The following MACROD2 variants were observed in gnomAD, a reference collection of about 807,000 sequenced individuals.
MACROD2 encodes mono-ADP ribosylhydrolase 2, also known as ADP-ribose glycohydrolase MACROD2.
MACROD2 carries 36 observed loss-of-function variants against 70.4 expected under a neutral mutation model. That is an observed-to-expected ratio of 0.51 (90% CI 0.39 to 0.68). MACROD2 has a LOEUF of 0.68. Among genes scored for constraint, MACROD2 ranks in the 30% least tolerant of loss-of-function variants. The probability of loss-of-function intolerance (pLI) is 0.00; values close to 1 mark genes in which losing one functional copy is unlikely to be tolerated. For missense variants in MACROD2, 496 were observed against 538.4 expected, an observed-to-expected ratio of 0.92 and a Z score of 0.78; for synonymous variants, 172 against 178.8, an observed-to-expected ratio of 0.96 and a Z score of 0.30.
chr20:14,230,654 T>TATATATATATATATATATATAAAAAAA lies in MACROD2; in HGVS notation c.271+144927_271+144928insTATATATATATATATATATAAAAAAAA. Reference sequence around the variant, plus strand: ...GTTTATATATATATATATATATATATAACACAGGCTGGGCCTATATATATA... The same window carrying TATATATATATATATATATATAAAAAAA: ...GTTTATATATATATATATATATATATATATATATATATATATATATAAAAAAAAACACAGGCTGGGCCTATATATATA... On this transcript the variant is annotated intron_variant, in intron 3 of 17. Coordinates refer to ENST00000684519, the MANE Select transcript of MACROD2 (RefSeq NM_001351661.2). 1.6e-4 allele frequency among the ~76,000 whole-genome samples: 12 copies of TATATATATATATATATATATAAAAAAA among 74,242 alleles called. No individual in the cohort carries two copies. In the South Asian group the frequency reaches 2.7e-3, roughly 17 times the overall value. 48.7% of individuals were successfully genotyped at this position (74,242 alleles called of 152,430 possible).
chr20:14,683,255 T>C (rs2070956960), intron 4 of MACROD2, among the ~76,000 whole-genome samples: 1 of 152,178 alleles, frequency 6.6e-6, no homozygotes, highest in African/African-American at 2.4e-5. Flanking sequence ...TTAAGATAAC[T>C]ACCACCAAAG....
At chr20:15,571,511 A>G (rs1275006480) in intron 8 of MACROD2, among the ~76,000 whole-genome samples, 2 of 151,978 alleles carry the variant, frequency 1.3e-5, no homozygotes, top group Non-Finnish European at 2.9e-5. Flanking sequence ...TTAGTTATAA[A>G]CTTTATATTT....
chr20:15,039,533 G>T (rs2075339220), intron 5 of MACROD2, among the ~76,000 whole-genome samples: 1 of 152,252 alleles, frequency 6.6e-6, no homozygotes, highest in Admixed American at 6.5e-5. Context: ...AAAGTATTCT[G>T]CATGGCCAGG....
intron 3 of MACROD2, among the ~76,000 whole-genome samples, chr20:14,347,272 G>A (rs1485060884): frequency 6.6e-6 from 1 of 152,124 alleles, no homozygotes; most frequent in Non-Finnish European, 1.5e-5. Flanking sequence ...GAAGACAGAG[G>A]AAATTCTCTA....
chr20:14,871,409 T>A (rs1278382768), intron 5 of MACROD2, among the ~76,000 whole-genome samples: 1 of 152,114 alleles, frequency 6.6e-6, no homozygotes, highest in Non-Finnish European at 1.5e-5. Context: ...GGATTTCATA[T>A]ATGGCCAAAC....
At chr20:15,632,176 TA>T (rs1429074361) in intron 8 of MACROD2, among the ~76,000 whole-genome samples, 4 of 147,702 alleles carry the variant, frequency 2.7e-5, no homozygotes, top group African/African-American at 1.0e-4. Flanking sequence ...AAAAAAAAAA[TA>T]AATAAATAAA....
chr20:14,365,096 C>G (rs1186273477), intron 3 of MACROD2, among the ~76,000 whole-genome samples: 5 of 152,118 alleles, frequency 3.3e-5, no homozygotes. Context: ...GCCACATGGT[C>G]CTGAGCTTGT....
rs530229458 is a variant in MACROD2, at chr20:15,658,127, A to G, written c.645+158280A>G. ...GTTGCCTTGAGATTAATAATTAAAT[A>G]ATAATTCATTAATAATTAAAAACAG... On this transcript the variant is annotated intron_variant, in intron 8 of 17. Transcript: ENST00000684519. 7.2e-5 allele frequency among the ~76,000 whole-genome samples: 11 copies of G among 151,900 alleles called. No homozygotes were observed. In the East Asian group the frequency reaches 1.7e-3, roughly 24 times the overall value.
intron 4 of MACROD2, among the ~76,000 whole-genome samples, chr20:14,567,509 G>T (rs1176375094): frequency 1.3e-5 from 2 of 151,982 alleles, no homozygotes. Context: ...GTTTTATTGG[G>T]CTCACTCTTC....
rs78382827 is a variant in MACROD2 at position 15,606,598 on chromosome 20, A to G, written c.645+106751A>G. On this transcript the variant is annotated intron_variant, in intron 8 of 17. Transcript: ENST00000684519. ...TTGAGAACAGAGCCTTGACAACTTC[A>G]TCTTGCCACCCCTATCATGAAGCTA... Among the ~76,000 whole-genome samples, 985 of 152,312 alleles carry G rather than the reference A, an allele frequency of 6.5e-3. 28 individuals carry two copies. The highest frequency in any genetic ancestry group is 0.044 in the Admixed American group (672 of 15,284).
intron 8 of MACROD2, among the ~76,000 whole-genome samples, chr20:15,756,557 G>A (rs1013369951): frequency 3.9e-5 from 6 of 152,134 alleles, no homozygotes; most frequent in Non-Finnish European, 8.8e-5. Flanking sequence ...GAATAGAGAA[G>A]ATTGGTTAGT....
At chr20:14,837,316 A>T (rs1416426544) in intron 5 of MACROD2, among the ~76,000 whole-genome samples, 1 of 152,070 alleles carries the variant, frequency 6.6e-6, no homozygotes, top group Non-Finnish European at 1.5e-5. Context: ...AACAGGCAGG[A>T]AATTGTTAAA....
intron 5 of MACROD2, among the ~76,000 whole-genome samples, chr20:14,827,133 C>T (rs1330906242): frequency 6.6e-6 from 1 of 152,050 alleles, no homozygotes; most frequent in Non-Finnish European, 1.5e-5. Context: ...CCTTGGATGG[C>T]TGTGACATTT....
At chr20:14,407,940 A>C (rs563207776) in intron 3 of MACROD2, among the ~76,000 whole-genome samples, 1 of 152,270 alleles carries the variant, frequency 6.6e-6, no homozygotes, top group South Asian at 2.1e-4. Flanking sequence ...ATGCAGTATC[A>C]CTAAAAACTA....
chr20:14,668,048 G>A (rs1018103383), intron 4 of MACROD2, among the ~76,000 whole-genome samples: 22 of 151,934 alleles, frequency 1.4e-4, no homozygotes, highest in Admixed American at 1.3e-4. Context: ...CTTGCTACTC[G>A]GGGACTGAGG....
At chr20:14,385,753 T>C (rs2083461800) in intron 3 of MACROD2, among the ~76,000 whole-genome samples, 1 of 152,216 alleles carries the variant, frequency 6.6e-6, no homozygotes, top group South Asian at 2.1e-4. Context: ...ATTGAAATGC[T>C]AAATCATGAT....
intron 5 of MACROD2, among the ~76,000 whole-genome samples, chr20:15,185,367 A>G (rs193197998): frequency 2.0e-5 from 3 of 152,172 alleles, no homozygotes; most frequent in African/African-American, 4.8e-5. Flanking sequence ...GGCTCATTCT[A>G]TGATTTCCAA....
At chr20:15,329,026 A>C (rs919152643) in intron 6 of MACROD2, among the ~76,000 whole-genome samples, 2 of 152,136 alleles carry the variant, frequency 1.3e-5, no homozygotes, top group East Asian at 3.9e-4. Flanking sequence ...AACAATGTTA[A>C]TTATTGGAAA....
intron 5 of MACROD2, among the ~76,000 whole-genome samples, chr20:15,153,155 T>C (rs530290971): frequency 1.3e-5 from 2 of 151,876 alleles, no homozygotes; most frequent in Non-Finnish European, 2.9e-5. Flanking sequence ...CCAAATTTCA[T>C]GTGTGTCCAT....
Sources: allele counts gnomAD v4.1 joint callset (sites outside exome capture counted in the v4.1 genomes callset), GRCh38; gene constraint gnomAD v4.1.1; transcripts MANE v1.5; gene names NCBI Gene and HGNC (gene_info 2026-07-23, HGNC 2026-07-21).